ASPDH: variants seen among roughly 807,000 people sequenced by gnomAD.
The protein encoded by ASPDH is aspartate dehydrogenase domain containing.
A neutral mutation model predicts 30.5 loss-of-function variants in ASPDH; 25 were observed. The ratio of observed to expected loss-of-function variants is 0.82; its 90% CI spans 0.60 to 1.14. The LOEUF (loss-of-function observed/expected upper bound fraction) is 1.14. Among genes scored for constraint, ASPDH ranks in the 50% most tolerant of loss-of-function variants. The probability of loss-of-function intolerance (pLI) is 0.00; values close to 1 mark genes in which losing one functional copy is unlikely to be tolerated. For synonymous variants in ASPDH, 168 were observed against 156.3 expected (o/e 1.07, Z -0.56); for missense variants, 401 against 381.5 (o/e 1.05, Z -0.43).
At position 50,513,245 on chromosome 19, in the gene ASPDH, C is replaced by T. The variant is rs895027652; in HGVS notation, c.197+27G>A. 1.4e-6 allele frequency: 2 copies of T among 1,447,316 alleles called. No homozygotes were observed. Among genetic ancestry groups the T allele is most frequent in the Non-Finnish European group, 1.8e-6 (2 of 1,095,830 alleles). 89.7% of individuals were successfully genotyped at this position (1,447,316 alleles called of 1,614,324 possible). ...GCCAGGACAGGAGCTTCAGGGAGCT[C>T]CACTCTCCCATGGCAAGGTCACTGA... On this transcript the variant is annotated intron_variant, in intron 2 of 6. Coordinates refer to ENST00000389208, the MANE Select transcript of ASPDH (RefSeq NM_001114598.2). The surrounding 1 kb of genome is among the most constrained non-coding windows in gnomAD (Gnocchi z 4.9).
Position 50,512,188 on chromosome 19 carries a change from T to C in ASPDH, c.756A>G (p.Pro252=), listed in dbSNP as rs753753134. 2.5e-6 allele frequency: 4 copies of C among 1,605,202 alleles called. No individual in the cohort carries two copies. The highest frequency in any genetic ancestry group is 3.4e-6 in the Non-Finnish European group (4 of 1,177,740). Residue 252 remains proline (P), a synonymous_variant, in exon 6 of 7, where the codon CCA becomes CCG. Transcript: ENST00000389208. The part of the protein sequence containing the change: ...VHTRRENPAE[P]GAVTGSATVT... ...CGGTGGCGGAGCCGGTGACCGCGCC[T>C]GGCTCGGCAGGGTTCTCTCTGCGGG...
rs1274954843 is a variant in ASPDH at position 50,513,492 on chromosome 19, CAG to C, written c.53-78_53-77del. ...GACCCAGAGAGAGAGGAGGTGGGGA[CAG>C]AGACCCAGAGAGAGAGGAGGTGGGG... is the stretch of plus-strand genomic sequence containing the variant. On this transcript the variant is annotated intron_variant, in intron 1 of 6. Coordinates refer to ENST00000389208, the MANE Select transcript of ASPDH (RefSeq NM_001114598.2). The surrounding 1 kb of genome is among the most constrained non-coding windows in gnomAD (Gnocchi z 4.9). 1 of 1,380,618 alleles carries C rather than the reference CAG, an allele frequency of 7.2e-7. No homozygotes were observed. Among genetic ancestry groups the C allele is most frequent in the African/African-American group, 1.5e-5 (1 of 67,798 alleles). The allele number at this position is 1,380,618 out of a possible 1,614,324, so 85.5% of individuals were successfully genotyped here.
At position 50,513,103 on chromosome 19, in the gene ASPDH, C is replaced by T; in HGVS notation, c.198-92G>A. 1.5e-6 allele frequency: 2 copies of T among 1,321,108 alleles called. No homozygotes were observed. The highest frequency in any genetic ancestry group is 4.5e-5 in the Admixed American group (2 of 44,278). The allele number at this position is 1,321,108 out of a possible 1,614,324, so 81.8% of individuals were successfully genotyped here. ...TCCGAGTCTACTGAGGGCTGCCCTTCTTCTCCCTGACCTGGGAGGCGAAAT... is the reference window on the plus strand; with the variant it reads ...TCCGAGTCTACTGAGGGCTGCCCTTTTTCTCCCTGACCTGGGAGGCGAAAT... On this transcript the variant is annotated intron_variant, in intron 2 of 6. Coordinates refer to ENST00000389208, the MANE Select transcript of ASPDH (RefSeq NM_001114598.2). This position sits in a 1 kb window ranked among gnomAD's most constrained non-coding sequence, Gnocchi z 4.9.
chr19:50,513,121 G>T lies in ASPDH; in HGVS notation c.198-110C>A. On this transcript the variant is annotated intron_variant, in intron 2 of 6. Transcript: ENST00000389208. This position sits in a 1 kb window ranked among gnomAD's most constrained non-coding sequence, Gnocchi z 4.9. ...TGCCCTTCTTCTCCCTGACCTGGGAGGCGAAATGAGATGAATGGGTTCGTC... is the reference window on the plus strand; with the variant it reads ...TGCCCTTCTTCTCCCTGACCTGGGATGCGAAATGAGATGAATGGGTTCGTC... The T allele has an allele frequency of 7.8e-7, 1 of 1,280,676 alleles. No homozygotes were observed. Among genetic ancestry groups the T allele is most frequent in the Non-Finnish European group, 1.1e-6 (1 of 925,392 alleles). 79.3% of individuals were successfully genotyped at this position (1,280,676 alleles called of 1,614,324 possible).
chr19:50,511,658 G>T lies in ASPDH; in HGVS notation c.*72C>A. 1.0e-6 allele frequency: 1 copy of T among 977,090 alleles called. No homozygotes were observed. The highest frequency in any genetic ancestry group is 1.4e-6 in the Non-Finnish European group (1 of 726,954). 60.5% of individuals were successfully genotyped at this position (977,090 alleles called of 1,614,324 possible). A position where few individuals can be genotyped will look rare whatever the true frequency, so the allele number is the denominator to read the frequency against. ...CAGAAGGGAGACCCTGGGGAAGTGGGGCAGGGCAGGGGTGGGATGGTGGTG... is the reference window on the plus strand; with the variant it reads ...CAGAAGGGAGACCCTGGGGAAGTGGTGCAGGGCAGGGGTGGGATGGTGGTG... On this transcript the variant is annotated 3_prime_UTR_variant, in exon 7 of 7. Transcript: ENST00000389208.
Position 50,512,388 on chromosome 19 carries a change from C to T in ASPDH, c.625G>A (p.Val209Met). The T allele has an allele frequency of 6.2e-7, 1 of 1,613,814 alleles. No individual in the cohort carries two copies. Among genetic ancestry groups the T allele is most frequent in the Non-Finnish European group, 8.5e-7 (1 of 1,179,952 alleles). Reference sequence around the variant, plus strand: ...GTATCAGCCACGAGCACCCCAATCACCCCATCGAAGCCCAGGCTGGGGGCA... The same window carrying T: ...GTATCAGCCACGAGCACCCCAATCATCCCATCGAAGCCCAGGCTGGGGGCA... ...LAAPSLGFDG[V>M]IGVLVADTSL... The change falls in exon 5 of 7, where the codon GTG (valine) becomes ATG (methionine). Residue 209 changes from valine (V) to methionine (M), a missense_variant. Transcript: ENST00000389208.
rs766999340 is a variant in ASPDH, at chr19:50,512,407, G to GGGGGCAGCC, written c.597_605dup (p.Ala200_Pro202dup). The GGGGGCAGCC allele has an allele frequency of 6.8e-6, 11 of 1,613,210 alleles. No homozygotes were observed. Among genetic ancestry groups the GGGGGCAGCC allele is most frequent in the Non-Finnish European group, 8.5e-6 (10 of 1,179,874 alleles). On this transcript the variant is annotated inframe_insertion, in exon 5 of 7. Transcript: ENST00000389208. ...CAATCACCCCATCGAAGCCCAGGCT[G>GGGGGCAGCC]GGGGCAGCCAGGGCAGCCGCCGCCA...
chr19:50,513,164 G>T lies in ASPDH; in HGVS notation c.197+108C>A. On this transcript the variant is annotated intron_variant, in intron 2 of 6. Coordinates refer to ENST00000389208, the MANE Select transcript of ASPDH (RefSeq NM_001114598.2). The surrounding 1 kb of genome is among the most constrained non-coding windows in gnomAD (Gnocchi z 4.9). ...GGTTCGTCCTGTTTCACATTTGCTT[G>T]AACCAAGGCCCAGAGAGGGTCAGGG... is the stretch of plus-strand genomic sequence containing the variant. The T allele has an allele frequency of 1.5e-6, 2 of 1,305,040 alleles. No homozygotes were observed. The highest frequency in any genetic ancestry group is 2.1e-6 in the Non-Finnish European group (2 of 965,698). The allele number at this position is 1,305,040 out of a possible 1,614,324, so 80.8% of individuals were successfully genotyped here. A position where few individuals can be genotyped will look rare whatever the true frequency, so the allele number is the denominator to read the frequency against.
rs1980062109 is a variant in ASPDH, at chr19:50,513,089, T to C, written c.198-78A>G. On this transcript the variant is annotated intron_variant, in intron 2 of 6. Transcript: ENST00000389208. The surrounding 1 kb of genome is among the most constrained non-coding windows in gnomAD (Gnocchi z 4.9). The stretch of plus-strand genomic sequence containing the variant: ...TCCCCAAGGTTCCCTCCGAGTCTAC[T>C]GAGGGCTGCCCTTCTTCTCCCTGAC... 1 of 1,345,048 alleles carries C rather than the reference T, an allele frequency of 7.4e-7. No individual in the cohort carries two copies. The highest frequency in any genetic ancestry group is 1.0e-6 in the Non-Finnish European group (1 of 969,430). The allele number at this position is 1,345,048 out of a possible 1,614,324, so 83.3% of individuals were successfully genotyped here.
Position 50,513,784 on chromosome 19 carries a change from A to T in ASPDH, c.40T>A (p.Tyr14Asn). The T allele has an allele frequency of 1.3e-6, 2 of 1,550,420 alleles. No individual in the cohort carries two copies. The highest frequency in any genetic ancestry group is 1.7e-6 in the Non-Finnish European group (2 of 1,146,138). Residue 14 changes from tyrosine (Y) to asparagine (N), a missense_variant, in exon 1 of 7, where the codon TAT (tyrosine) becomes AAT (asparagine). Transcript: ENST00000389208. This position sits in a 1 kb window ranked among gnomAD's most constrained non-coding sequence, Gnocchi z 4.9. The part of the protein sequence containing the change: ...RGPWRVGVVG[Y>N]GRLGQSLVSR... ...GTCAGGGACTCACCGAGGCGGCCAT[A>T]GCCCACCACGCCCACCCTCCACGGG...
chr19:50,514,472 G>A (rs886790953), upstream of ASPDH: 2 of 1,614,104 alleles, frequency 1.2e-6, no homozygotes, highest in Non-Finnish European at 1.7e-6. Flanking sequence ...TCATCCTTCA[G>A]TTCACCTTGA....
intron 6 of ASPDH, 150 bp from the exon 7 acceptor site, chr19:50,511,923 GAC>G (rs1412988203): frequency 3.0e-5 from 24 of 790,480 alleles, no homozygotes; most frequent in Non-Finnish European, 4.1e-5. Context: ...GGTGGACAGA[GAC>G]AGAGAGAGTC....
In ASPDH at chr19:50,512,379, C is replaced by G; in HGVS notation, c.634G>C (p.Val212Leu). 1 of 1,613,880 alleles carries G rather than the reference C, an allele frequency of 6.2e-7. No homozygotes were observed. Among genetic ancestry groups the G allele is most frequent in the Non-Finnish European group, 8.5e-7 (1 of 1,179,974 alleles). ...GCTCACCTGGTATCAGCCACGAGCA[C>G]CCCAATCACCCCATCGAAGCCCAGG... The part of the protein sequence containing the change: ...PSLGFDGVIG[V>L]LVADTSLTDM... The change falls in exon 5 of 7, where the codon GTG (valine) becomes CTG (leucine). Residue 212 changes from valine to leucine, a missense_variant. Val to Leu is a conservative substitution (Grantham distance 32). Coordinates refer to ENST00000389208, the MANE Select transcript of ASPDH (RefSeq NM_001114598.2).
intron 5 of ASPDH, 23 bp downstream of exon 5, chr19:50,512,337 A>C (rs1183845694): frequency 1.2e-6 from 2 of 1,613,872 alleles, no homozygotes. Flanking sequence ...ACTCAGCCCA[A>C]CACCCTGCTT....
rs1980031587 is a variant in ASPDH, at chr19:50,512,808, C to T, written c.285G>A (p.Val95=). The T allele has an allele frequency of 6.3e-7, 1 of 1,597,892 alleles. No individual in the cohort carries two copies. Among genetic ancestry groups the T allele is most frequent in the South Asian group, 1.1e-5 (1 of 89,410 alleles). ...GGTCACTTAGAGCTGAGGGGGACCC[C>T]ACCTGGGGTGGATGAAGGAGGGGAG... ...AQILRHANLL[V]GSPSALSDQT... The change falls in exon 4 of 7, where the codon GTG becomes GTA. Residue 95 remains valine, a splice_region_variant and synonymous_variant. Coordinates refer to ENST00000389208, the MANE Select transcript of ASPDH (RefSeq NM_001114598.2).
rs751744652 is a variant in ASPDH, at chr19:50,512,114, G to A, written c.808+22C>T. On this transcript the variant is annotated intron_variant, in intron 6 of 6. Coordinates refer to ENST00000389208, the MANE Select transcript of ASPDH (RefSeq NM_001114598.2). ...TGCAGAACACAGGAGCCCAGGGCCG[G>A]GGGAGAGGGGCCTGGCCGCACCCAG... 10 of 1,520,728 alleles carry A rather than the reference G, an allele frequency of 6.6e-6. No individual in the cohort carries two copies. The African/African-American group carries it at 1.3e-4, about 19-fold the overall frequency. The allele number at this position is 1,520,728 out of a possible 1,614,324, so 94.2% of individuals were successfully genotyped here.
chr19:50,514,459 T>A (rs761417980), upstream of ASPDH: 2 of 1,614,086 alleles, frequency 1.2e-6, no homozygotes, highest in Non-Finnish European at 1.7e-6. Context: ...CCCTCCGCTC[T>A]GATCATCCTT....
rs1287259926 is a variant in ASPDH at position 50,512,025 on chromosome 19, AGAAAG to A, written c.808+106_808+110del. ...TTAAGGAAATAAAGGTCAGAAAGAA[AGAAAG>A]GTCAACAAATACAGAACCAGAACTG... On this transcript the variant is annotated intron_variant, in intron 6 of 6. Transcript: ENST00000389208. 4 of 1,007,148 alleles carry A rather than the reference AGAAAG, an allele frequency of 4.0e-6. No individual in the cohort carries two copies. In the Admixed American group the frequency reaches 1.2e-4, roughly 29 times the overall value. 62.4% of individuals were successfully genotyped at this position (1,007,148 alleles called of 1,614,324 possible).
At chr19:50,514,490 C>T (rs1456848920), upstream of ASPDH, 3 of 1,613,164 alleles carry the variant, frequency 1.9e-6, no homozygotes, top group Admixed American at 1.7e-5. Flanking sequence ...TGACTTGCTA[C>T]CTTTCACTCT....
Sources: allele counts gnomAD v4.1 joint callset, GRCh38; gene constraint gnomAD v4.1.1; non-coding constraint Gnocchi (gnomAD v3.1); transcripts MANE v1.5; gene names NCBI Gene and HGNC (gene_info 2026-07-23, HGNC 2026-07-21).